Variants in RPS6KA5 observed in about 807,000 individuals in gnomAD.
The protein encoded by RPS6KA5 is ribosomal protein S6 kinase alpha-5.
Under a neutral mutation model 85.5 loss-of-function variants are expected in RPS6KA5, and 27 were observed. The ratio of observed to expected loss-of-function variants is 0.32; its 90% CI spans 0.23 to 0.44. The LOEUF is 0.44. Ranked by LOEUF, RPS6KA5 falls within the 20% of genes least tolerant of loss-of-function variation. RPS6KA5 has a pLI of 1.00. For missense variants in RPS6KA5, 811 were observed against 980.9 expected, an observed-to-expected ratio of 0.83 and a Z score of 2.31; for synonymous variants, 334 against 348.2, an observed-to-expected ratio of 0.96 and a Z score of 0.46.
chr14:91,011,881 ATTT>A (rs2041270659), intron 1 of RPS6KA5, among the ~76,000 whole-genome samples: 1 of 152,200 alleles, frequency 6.6e-6, no homozygotes, highest in Admixed American at 6.5e-5. Context: ...TTATTTTCTA[ATTT>A]TTTTATTTCA....
At chr14:91,032,179 G>C (rs2042212826) in intron 1 of RPS6KA5, among the ~76,000 whole-genome samples, 1 of 152,054 alleles carries the variant, frequency 6.6e-6, no homozygotes, top group Admixed American at 6.5e-5. Context: ...ATACAGAAAA[G>C]TCTAGTAAAG....
intron 1 of RPS6KA5, among the ~76,000 whole-genome samples, chr14:91,056,973 G>A (rs2043349511): frequency 7.0e-6 from 1 of 143,288 alleles, no homozygotes; most frequent in Non-Finnish European, 1.5e-5. Flanking sequence ...TCCGCCTCCT[G>A]GGTTCAAGAG....
In RPS6KA5 at chr14:90,877,312, C is replaced by T. The variant is rs530367322; in HGVS notation, c.1837-1952G>A. 3.3e-5 allele frequency among the ~76,000 whole-genome samples: 5 copies of T among 152,316 alleles called. No homozygotes were observed. The South Asian group carries it at 1.0e-3, about 32-fold the overall frequency. ...TGCTCTAAGAAGGGCAATGTCAGAA[C>T]GTCTGTAGAAGGCAGACAAAACTCC... On this transcript the variant is annotated intron_variant, in intron 14 of 16. Coordinates refer to ENST00000614987, the MANE Select transcript of RPS6KA5 (RefSeq NM_004755.4).
chr14:90,922,489 C>A (rs980169056), intron 6 of RPS6KA5, among the ~76,000 whole-genome samples: 2 of 152,180 alleles, frequency 1.3e-5, no homozygotes, highest in Non-Finnish European at 2.9e-5. Context: ...ACTCTTGCTG[C>A]CCAGGCTGGA....
intron 1 of RPS6KA5, among the ~76,000 whole-genome samples, chr14:91,059,529 G>A (rs2139993550): frequency 6.6e-6 from 1 of 152,208 alleles, no homozygotes; most frequent in East Asian, 1.9e-4. Flanking sequence ...TGATTGGTCT[G>A]AATAAGCATT....
chr14:90,932,270 C>T (rs1363176407), intron 5 of RPS6KA5, among the ~76,000 whole-genome samples: 2 of 152,064 alleles, frequency 1.3e-5, no homozygotes, highest in African/African-American at 4.8e-5. Flanking sequence ...AATACAGGCA[C>T]GTGCCACCAT....
rs372550981 is a variant in RPS6KA5 at position 91,054,749 on chromosome 14, G to A, written c.103+5583C>T. On this transcript the variant is annotated intron_variant, in intron 1 of 16. Transcript: ENST00000614987. ...GAGAATCACTTAAGCCCAGGAGTTC[G>A]AGACCAGCCTGGGCAACATAGCAGG... is the stretch of plus-strand genomic sequence containing the variant. Among the ~76,000 whole-genome samples, 1,082 of 151,684 alleles carry A rather than the reference G, an allele frequency of 7.1e-3. 12 individuals are homozygous for A. The highest frequency in any genetic ancestry group is 0.011 in the Non-Finnish European group (778 of 67,954).
intron 1 of RPS6KA5, among the ~76,000 whole-genome samples, chr14:91,025,356 T>A (rs904732765): frequency 1.3e-5 from 2 of 152,224 alleles, no homozygotes; most frequent in African/African-American, 4.8e-5. Context: ...CTTTTTTTCA[T>A]TGAGTCTCTT....
rs1183995068 is a variant in RPS6KA5, at chr14:90,853,747, C to T, written c.*18327G>A. On this transcript the variant is annotated 3_prime_UTR_variant, in exon 17 of 17. Transcript: ENST00000614987. ...ATCAAAATCGTAACCATCTTGAAAG[C>T]TAAATTAAAATAATCCTGGAGCTCT... 6.6e-6 allele frequency: 1 copy of T among 151,170 alleles called. No homozygotes were observed. Among genetic ancestry groups the T allele is most frequent in the East Asian group, 1.9e-4 (1 of 5,152 alleles). The allele number at this position is 151,170 out of a possible 1,614,324, so 9.4% of individuals were successfully genotyped here.
chr14:91,048,028 T>TA (rs1418424096), intron 1 of RPS6KA5, among the ~76,000 whole-genome samples: 1 of 152,248 alleles, frequency 6.6e-6, no homozygotes, highest in Non-Finnish European at 1.5e-5. Flanking sequence ...TCAGGATACT[T>TA]AATCACATCT....
chr14:90,997,401 G>C lies in RPS6KA5; in HGVS notation c.175+3687C>G, dbSNP rs544679765. Among the ~76,000 whole-genome samples the C allele has an allele frequency of 6.1e-4, 93 of 152,250 alleles. 1 individual carries two copies. The South Asian group carries it at 7.0e-3, about 12-fold the overall frequency. The stretch of plus-strand genomic sequence containing the variant: ...TTCATGTATTTGTTTATCTTTTAGA[G>C]AGACGGTCTTGCTCTGTTGCCTAGG... On this transcript the variant is annotated intron_variant, in intron 2 of 16. Coordinates refer to ENST00000614987, the MANE Select transcript of RPS6KA5 (RefSeq NM_004755.4).
In RPS6KA5 at chr14:90,848,237, C is replaced by T. The variant is rs1437272383; in HGVS notation, c.*23837G>A. The T allele has an allele frequency of 6.6e-6, 1 of 152,168 alleles. No individual in the cohort carries two copies. The highest frequency in any genetic ancestry group is 1.5e-5 in the Non-Finnish European group (1 of 68,030). 9.4% of individuals were successfully genotyped at this position (152,168 alleles called of 1,614,324 possible). ...AAAATGCTTAACTCCATATAGCTCA[C>T]CTTTAATCAAAGGCAGTACCAGTTA... On this transcript the variant is annotated 3_prime_UTR_variant, in exon 17 of 17. Coordinates refer to ENST00000614987, the MANE Select transcript of RPS6KA5 (RefSeq NM_004755.4).
At chr14:90,978,224 T>C (rs773601590) in intron 3 of RPS6KA5, 82 bp downstream of exon 3, 2 of 975,178 alleles carry the variant, frequency 2.1e-6, no homozygotes, top group East Asian at 2.6e-5. Context: ...AAGTCCATAG[T>C]ATCTTGCCCT....
chr14:91,030,614 A>G (rs372086241), intron 1 of RPS6KA5, among the ~76,000 whole-genome samples: 80 of 58,840 alleles, frequency 1.4e-3, no homozygotes, highest in African/African-American at 4.9e-3. Flanking sequence ...ATAAACAGAA[A>G]AAAAAAAAAA....
intron 1 of RPS6KA5, among the ~76,000 whole-genome samples, chr14:91,038,901 G>C (rs1024515693): frequency 6.6e-6 from 1 of 152,114 alleles, no homozygotes; most frequent in Non-Finnish European, 1.5e-5. Flanking sequence ...TAAATCTTCA[G>C]CCTGATTTTT....
chr14:90,948,428 G>A (rs1220800618), intron 3 of RPS6KA5, among the ~76,000 whole-genome samples: 1 of 152,180 alleles, frequency 6.6e-6, no homozygotes, highest in Non-Finnish European at 1.5e-5. Context: ...CGGGCGCAGT[G>A]GCTCACGCCT....
At chr14:91,037,985 T>TA (rs2042468142) in intron 1 of RPS6KA5, among the ~76,000 whole-genome samples, 1 of 152,186 alleles carries the variant, frequency 6.6e-6, no homozygotes, top group Non-Finnish European at 1.5e-5. Context: ...AGATTGTGTC[T>TA]AGCTATTGTT....
At chr14:90,878,468 T>C (rs75588819) in intron 14 of RPS6KA5, among the ~76,000 whole-genome samples, 121 of 152,314 alleles carry the variant, frequency 7.9e-4, no homozygotes, top group African/African-American at 2.8e-3. Context: ...AGAATGTAGT[T>C]TCCCCAGGCC....
intron 3 of RPS6KA5, among the ~76,000 whole-genome samples, chr14:90,955,293 G>C (rs1003191396): frequency 6.6e-6 from 1 of 152,024 alleles, no homozygotes; most frequent in African/African-American, 2.4e-5. Context: ...CTAGAGACAA[G>C]GTCTCACTCT....
Sources: allele counts gnomAD v4.1 joint callset (sites outside exome capture counted in the v4.1 genomes callset), GRCh38; gene constraint gnomAD v4.1.1; transcripts MANE v1.5; gene names NCBI Gene and HGNC (gene_info 2026-07-23, HGNC 2026-07-21).